Variants in RAD50 observed in about 807,000 individuals in gnomAD.
RAD50 encodes DNA repair protein RAD50.
RAD50 carries 132 observed loss-of-function variants against 168.8 expected under a neutral mutation model. The observed-to-expected ratio is 0.78, with a 90% CI of 0.68 to 0.90. The LOEUF is 0.90. Ranked by LOEUF, RAD50 falls within the 40% of genes least tolerant of loss-of-function variation. RAD50 has a pLI of 0.00. For missense variants in RAD50, 1,347 were observed against 1,534.4 expected (o/e 0.88, Z 2.04); for synonymous variants, 525 against 497.4 (o/e 1.06, Z -0.74).
chr5:132,631,418 C>T (rs1176371927), intron 21 of RAD50, among the ~76,000 whole-genome samples: 1 of 152,164 alleles, frequency 6.6e-6, no homozygotes, highest in African/African-American at 2.4e-5. Flanking sequence ...CCTCACCTGG[C>T]CTCTCACTTT....
At chr5:132,591,201 C>T (rs1264326236) in intron 9 of RAD50, 23 bp from the exon 10 acceptor site, 8 of 1,581,170 alleles carry the variant, frequency 5.1e-6, no homozygotes, top group East Asian at 2.2e-5. Context: ...AACACCTTTG[C>T]ATTTGTATGA....
At chr5:132,641,380 A>T (rs1751717145) in intron 24 of RAD50, among the ~76,000 whole-genome samples, 1 of 152,180 alleles carries the variant, frequency 6.6e-6, no homozygotes, top group South Asian at 2.1e-4. Context: ...CTGGCAGAGA[A>T]AAAGGCAGTT....
At chr5:132,635,737 A>C (rs999109414) in intron 21 of RAD50, among the ~76,000 whole-genome samples, 1 of 152,162 alleles carries the variant, frequency 6.6e-6, no homozygotes, top group Non-Finnish European at 1.5e-5. Flanking sequence ...TCATTTGAAA[A>C]ATCAGGATCA....
intron 14 of RAD50, 139 bp downstream of exon 14, chr5:132,603,628 C>T (rs961287056): frequency 4.0e-6 from 4 of 987,934 alleles, no homozygotes; most frequent in Admixed American, 2.0e-5. Context: ...CAGATACCCT[C>T]AGGGAGAAAC....
rs1060501965 is a variant in RAD50 at position 132,640,802 on chromosome 5, T to C, written c.3749T>C (p.Val1250Ala). 1 of 1,613,238 alleles carries C rather than the reference T, an allele frequency of 6.2e-7. No individual in the cohort carries two copies. Among genetic ancestry groups the C allele is most frequent in the East Asian group, 2.2e-5 (1 of 44,842 alleles). The change falls in exon 24 of 25, where the codon GTT (valine) becomes GCT (alanine). Residue 1250 changes from valine to alanine, a missense_variant. By Grantham distance (64) the Val-to-Ala change is moderately conservative. Around this residue, in one of 3 missense-constraint regions of RAD50, gnomAD observed 635 missense variants for 739.2 expected, o/e 0.86. Coordinates refer to ENST00000378823, the MANE Select transcript of RAD50 (RefSeq NM_005732.4). ...ATTGAATCTCTTGCACATGCTCTGG[T>C]TGAGTAAGTATCTCTTGCACATGCT... ...ENIESLAHAL[V>A]EIIKSRSQQR... is the part of the protein sequence containing the mutation.
At position 132,578,873 on chromosome 5, in the gene RAD50, G is replaced by A. The variant is rs571640709; in HGVS notation, c.366-444G>A. ...TACAAATTGAAATGTATAAAAAACAGTAAAGACAGATATTGCCTCTGCTCA... is the reference window on the plus strand; with the variant it reads ...TACAAATTGAAATGTATAAAAAACAATAAAGACAGATATTGCCTCTGCTCA... On this transcript the variant is annotated intron_variant, in intron 3 of 24. Transcript: ENST00000378823. Among the ~76,000 whole-genome samples the A allele has an allele frequency of 2.5e-4, 38 of 152,222 alleles. 2 individuals carry two copies. In the South Asian group the frequency reaches 7.7e-3, roughly 31 times the overall value.
chr5:132,602,429 C>A (rs1305837210), intron 13 of RAD50, among the ~76,000 whole-genome samples: 5 of 152,108 alleles, frequency 3.3e-5, no homozygotes, highest in Non-Finnish European at 7.4e-5. Flanking sequence ...AAATAGTTGT[C>A]AGTACCTGCC....
intron 13 of RAD50, among the ~76,000 whole-genome samples, chr5:132,600,749 C>T (rs1406939072): frequency 6.6e-6 from 1 of 151,900 alleles, no homozygotes; most frequent in Non-Finnish European, 1.5e-5. Context: ...GGAATGTTGT[C>T]TAAAAATAGG....
chr5:132,638,688 C>A (rs1471811211), intron 23 of RAD50, among the ~76,000 whole-genome samples: 4 of 152,186 alleles, frequency 2.6e-5, no homozygotes, highest in Admixed American at 2.6e-4. Flanking sequence ...TAAGGAGTCT[C>A]ATTAAGAAAG....
chr5:132,624,841 C>T (rs1751343519), intron 21 of RAD50, among the ~76,000 whole-genome samples: 1 of 136,894 alleles, frequency 7.3e-6, no homozygotes, highest in Non-Finnish European at 1.5e-5. Context: ...CAGTGCACTC[C>T]AGCGTGGGTG....
At chr5:132,608,848 C>T (rs1751032782) in intron 17 of RAD50, 123 bp downstream of exon 17, 6 of 1,411,868 alleles carry the variant, frequency 4.2e-6, no homozygotes, top group Non-Finnish European at 4.7e-6. Context: ...TTTTCAGATT[C>T]ATGGTATAAT....
chr5:132,558,020 T>A (rs1392794328), intron 1 of RAD50, among the ~76,000 whole-genome samples: 2 of 151,716 alleles, frequency 1.3e-5, no homozygotes, highest in Non-Finnish European at 2.9e-5. Flanking sequence ...TTTTTTTTTT[T>A]AAAGCCGTGG....
intron 24 of RAD50, among the ~76,000 whole-genome samples, chr5:132,641,519 G>A (rs542276762): frequency 2.6e-5 from 4 of 152,278 alleles, no homozygotes; most frequent in East Asian, 1.9e-4. Context: ...AAGTAAGGGC[G>A]AGTGCTTTTG....
At chr5:132,579,774 T>A in intron 4 of RAD50, 88 bp from the exon 5 acceptor site, 1 of 1,162,064 alleles carries the variant, frequency 8.6e-7, no homozygotes, top group South Asian at 1.3e-5. Flanking sequence ...GTAACTGTAA[T>A]CTTAGTGACA....
intron 2 of RAD50, among the ~76,000 whole-genome samples, chr5:132,564,760 C>G (rs916560945): frequency 1.3e-5 from 2 of 152,148 alleles, no homozygotes; most frequent in African/African-American, 4.8e-5. Context: ...CACAGCAGCC[C>G]CTCCCATTAC....
intron 23 of RAD50, among the ~76,000 whole-genome samples, chr5:132,638,890 T>G (rs1467484050): frequency 6.6e-6 from 1 of 152,242 alleles, no homozygotes; most frequent in Non-Finnish European, 1.5e-5. Flanking sequence ...GTGCACAGGT[T>G]TGTAACAAAG....
chr5:132,581,891 C>T (rs1405482662), intron 5 of RAD50, among the ~76,000 whole-genome samples: 1 of 152,018 alleles, frequency 6.6e-6, no homozygotes, highest in Non-Finnish European at 1.5e-5. Flanking sequence ...CCCCCTTGCC[C>T]CACTCCACGT....
At chr5:132,567,534 G>C (rs1271008858) in intron 2 of RAD50, among the ~76,000 whole-genome samples, 4 of 152,228 alleles carry the variant, frequency 2.6e-5, no homozygotes, top group Admixed American at 2.0e-4. Context: ...GCAGAGTACT[G>C]AAGTAGGGTT....
At chr5:132,639,299 G>A (rs1226572767) in intron 23 of RAD50, among the ~76,000 whole-genome samples, 2 of 146,134 alleles carry the variant, frequency 1.4e-5, no homozygotes, top group Non-Finnish European at 1.5e-5. Flanking sequence ...GTTGCAGTGA[G>A]CCGAGATCGT....
Sources: gnomAD v4.1 joint callset for allele counts (sites outside exome capture counted in the v4.1 genomes callset) on GRCh38, gnomAD v4.1.1 for gene constraint, gnomAD v4.1.1 regional missense constraint, MANE v1.5 for transcripts, NCBI Gene and HGNC (gene_info 2026-07-23, HGNC 2026-07-21) for gene names.